MASP2: variants seen among roughly 807,000 people sequenced by gnomAD.
MASP2 encodes mannan-binding lectin serine protease 2.
MASP2 carries 49 observed loss-of-function variants against 57.1 expected under a neutral mutation model. That is an observed-to-expected ratio of 0.86 (90% CI 0.68 to 1.09). The LOEUF is 1.09. Ranked by LOEUF, MASP2 falls within the 50% of genes least tolerant of loss-of-function variation. The probability of loss-of-function intolerance (pLI) is 0.00; values close to 1 mark genes in which losing one functional copy is unlikely to be tolerated. For synonymous variants in MASP2, 379 were observed against 340.8 expected (o/e 1.11, Z -1.24); for missense variants, 900 against 874.8 (o/e 1.03, Z -0.36).
Position 11,027,067 on chromosome 1 carries a change from C to A in MASP2, c.1879G>T (p.Asp627Tyr), listed in dbSNP as rs1643747410. The change falls in exon 11 of 11, where the codon GAC becomes TAC. Residue 627 changes from aspartate (D) to tyrosine (Y), a missense_variant. By Grantham distance (160) the Asp-to-Tyr change is radical. Transcript: ENST00000400897. ...LCAGLESGGK[D>Y]SCRGDSGGAL... Reference sequence around the variant, plus strand: ...CCTCCGCTGTCACCTCTGCAGCTGTCCTTGCCCCCACTTTCTAAGCCAGCA... The same window carrying A: ...CCTCCGCTGTCACCTCTGCAGCTGTACTTGCCCCCACTTTCTAAGCCAGCA... 1 of 1,594,176 alleles carries A rather than the reference C, an allele frequency of 6.3e-7. No homozygotes were observed.
At chr1:11,033,965 ACT>A (rs796583650) in intron 8 of MASP2, among the ~76,000 whole-genome samples, 543 of 15,420 alleles carry the variant, frequency 0.035, 6 homozygotes, top group East Asian at 0.12. Context: ...ACACACACAC[ACT>A]CTCTCTCTCT....
chr1:11,043,285 C>T, intron 5 of MASP2, 54 bp downstream of exon 5: 5 of 1,477,132 alleles, frequency 3.4e-6, no homozygotes, highest in South Asian at 1.3e-5. Flanking sequence ...GTAGGGGGTG[C>T]AGCTGGGCTG....
At chr1:11,030,027 G>GT in intron 10 of MASP2, 149 bp downstream of exon 10, 1 of 590,974 alleles carries the variant, frequency 1.7e-6, no homozygotes, top group Admixed American at 3.3e-5. Flanking sequence ...AGGGGGTAAT[G>GT]AGAACATACT....
intron 4 of MASP2, 129 bp from the exon 5 acceptor site, chr1:11,043,664 G>C (rs1368711262): frequency 3.0e-6 from 2 of 677,598 alleles, no homozygotes; most frequent in African/African-American, 3.6e-5. Flanking sequence ...GCATCCCTGG[G>C]TTGGGCTGGG....
intron 10 of MASP2, among the ~76,000 whole-genome samples, chr1:11,028,606 C>G (rs1643779370): frequency 6.6e-6 from 1 of 151,894 alleles, no homozygotes; most frequent in Admixed American, 6.6e-5. Flanking sequence ...GCATTAATAC[C>G]TACAGACGTT....
At chr1:11,043,922 G>A (rs567288196) in intron 4 of MASP2, among the ~76,000 whole-genome samples, 13 of 148,522 alleles carry the variant, frequency 8.8e-5, no homozygotes, top group Non-Finnish European at 1.5e-4. Flanking sequence ...GGCGGGGGGC[G>A]GGGGTGGATG....
intron 7 of MASP2, among the ~76,000 whole-genome samples, chr1:11,037,337 C>T (rs1638271387): frequency 6.6e-6 from 1 of 152,130 alleles, no homozygotes. Context: ...GATCTGCCTG[C>T]CTCTGCCTCC....
chr1:11,033,580 G>C (rs910763307), intron 8 of MASP2, among the ~76,000 whole-genome samples: 3 of 152,018 alleles, frequency 2.0e-5, no homozygotes, highest in Non-Finnish European at 2.9e-5. Context: ...AGCAGGCAGA[G>C]GTTGCAGTGA....
intron 8 of MASP2, 22 bp downstream of exon 8, chr1:11,034,806 T>C: frequency 1.9e-6 from 3 of 1,585,190 alleles, no homozygotes; most frequent in Non-Finnish European, 2.6e-6. Context: ...TTATGGGGCC[T>C]GTAGTCACCA....
chr1:11,033,926 GACACACACACACACAC>G (rs762078074), intron 8 of MASP2, among the ~76,000 whole-genome samples: 2 of 140,024 alleles, frequency 1.4e-5, no homozygotes, highest in African/African-American at 2.7e-5. Context: ...GTGAGACTCC[GACACACACACACACAC>G]ACACACACAC....
intron 7 of MASP2, among the ~76,000 whole-genome samples, chr1:11,036,542 A>C (rs1308158829): frequency 1.2e-4 from 18 of 147,824 alleles, no homozygotes; most frequent in African/African-American, 3.5e-4. Flanking sequence ...AAAAAACAAA[A>C]AAAAAAGAAA....
chr1:11,036,473 C>T lies in MASP2; in HGVS notation c.1008+1220G>A, dbSNP rs1302871040. Among the ~76,000 whole-genome samples, 8 of 136,514 alleles carry T rather than the reference C, an allele frequency of 5.9e-5. 1 individual carries two copies. The highest frequency in any genetic ancestry group is 1.1e-4 in the Non-Finnish European group (7 of 65,432). The allele number at this position is 136,514 out of a possible 152,430, so 89.6% of individuals were successfully genotyped here. A position where few individuals can be genotyped will look rare whatever the true frequency, so the allele number is the denominator to read the frequency against. On this transcript the variant is annotated intron_variant, in intron 7 of 10. Transcript: ENST00000400897. ...GAGCCGAGATTGCGCCACTGCAGTC[C>T]GCAGTCCGGCCTGGGCGACAGAGCG... is the stretch of plus-strand genomic sequence containing the variant.
In MASP2 at chr1:11,026,999, C is replaced by A. The variant is rs148865407; in HGVS notation, c.1947G>T (p.Val649=). 70 of 1,597,878 alleles carry A rather than the reference C, an allele frequency of 4.4e-5. No individual in the cohort carries two copies. Among genetic ancestry groups the A allele is most frequent in the Non-Finnish European group, 5.6e-5 (66 of 1,172,388 alleles). Residue 649 remains valine, a synonymous_variant, in exon 11 of 11, where the codon GTG becomes GTT. Coordinates refer to ENST00000400897, the MANE Select transcript of MASP2 (RefSeq NM_006610.4). Reference sequence around the variant, plus strand: ...TGGAACCCCAGGACACTATTCCTCCCACAAACCACCTCTCTGTTTCACTAT... The same window carrying A: ...TGGAACCCCAGGACACTATTCCTCCAACAAACCACCTCTCTGTTTCACTAT... The part of the protein sequence containing the change: ...FLDSETERWF[V]GGIVSWGSMN...
At chr1:11,037,124 C>T (rs1016199635) in intron 7 of MASP2, among the ~76,000 whole-genome samples, 1 of 152,106 alleles carries the variant, frequency 6.6e-6, no homozygotes, top group Non-Finnish European at 1.5e-5. Context: ...GTGATTTCGG[C>T]TCACCGCAAC....
At position 11,026,814 on chromosome 1, in the gene MASP2, G is replaced by T; in HGVS notation, c.*71C>A. The stretch of plus-strand genomic sequence containing the variant: ...TCCACAGTAATGATGAATGCTTCTC[G>T]AGCCACGTCGCTGCCAAGGTCTTCA... On this transcript the variant is annotated 3_prime_UTR_variant, in exon 11 of 11. Transcript: ENST00000400897. 7.5e-7 allele frequency: 1 copy of T among 1,333,420 alleles called. No homozygotes were observed. The highest frequency in any genetic ancestry group is 1.0e-6 in the Non-Finnish European group (1 of 999,708). 82.6% of individuals were successfully genotyped at this position (1,333,420 alleles called of 1,614,324 possible).
chr1:11,032,253 CATACA>C (rs775852346), intron 8 of MASP2, among the ~76,000 whole-genome samples: 3 of 152,152 alleles, frequency 2.0e-5, no homozygotes, highest in Non-Finnish European at 2.9e-5. Flanking sequence ...CCCTTTTCTA[CATACA>C]ATAGTGTATA....
At chr1:11,039,239 G>T (rs765177808) in intron 6 of MASP2, among the ~76,000 whole-genome samples, 7 of 152,200 alleles carry the variant, frequency 4.6e-5, no homozygotes, top group Admixed American at 1.3e-4. Flanking sequence ...TCCCTTACTG[G>T]ACTGAGCAGA....
intron 7 of MASP2, among the ~76,000 whole-genome samples, chr1:11,036,572 G>A (rs1442298413): frequency 2.8e-5 from 4 of 145,306 alleles, no homozygotes; most frequent in South Asian, 2.1e-4. Flanking sequence ...TCTGTGGTCC[G>A]AGGAGCTGTG....
At chr1:11,045,752 C>T (rs908900447) in intron 3 of MASP2, 1 of 583,652 alleles carries the variant, frequency 1.7e-6, no homozygotes, top group African/African-American at 1.9e-5. Flanking sequence ...AACATCACCT[C>T]TGTTAAACCA....
Sources: gnomAD v4.1 joint callset for allele counts (sites outside exome capture counted in the v4.1 genomes callset) on GRCh38, gnomAD v4.1.1 for gene constraint, MANE v1.5 for transcripts, NCBI Gene and HGNC (gene_info 2026-07-23, HGNC 2026-07-21) for gene names.